The following CTSZ variants were observed in gnomAD, a reference collection of about 807,000 sequenced individuals.
CTSZ encodes the protein cathepsin Z.
In CTSZ, 39 loss-of-function variants were observed where a neutral mutation model predicts 32.4. The observed-to-expected ratio is 1.20, with a 90% CI of 0.93 to 1.57. The LOEUF (loss-of-function observed/expected upper bound fraction) is 1.57, where lower values mean the gene tolerates loss of function less well. Ranked by LOEUF, CTSZ falls within the 40% of genes most tolerant of loss-of-function variation. The pLI is 0.00. For missense variants in CTSZ, 397 were observed against 419.6 expected, an observed-to-expected ratio of 0.95 and a Z score of 0.47; for synonymous variants, 168 against 170.1, an observed-to-expected ratio of 0.99 and a Z score of 0.10.
rs758421304 is a variant in CTSZ at position 59,001,510 on chromosome 20, C to T, written c.442G>A (p.Gly148Ser). 7.4e-6 allele frequency: 12 copies of T among 1,613,892 alleles called. No homozygotes were observed. Among genetic ancestry groups the T allele is most frequent in the East Asian group, 4.5e-5 (2 of 44,896 alleles). The change falls in exon 3 of 6, where the codon GGC becomes AGC. Residue 148 changes from glycine (G) to serine (S), a missense_variant. Transcript: ENST00000217131. The part of the protein sequence containing the change: ...LSVWDYAHQH[G>S]IPDETCNNYQ... ...TTGTTGCAGGTCTCGTCAGGGATGC[C>T]GTGCTGGTGGGCGTAGTCCCACACG...
chr20:58,995,795 A>G, intron 5 of CTSZ, 36 bp from the exon 6 acceptor site: 1 of 1,586,848 alleles, frequency 6.3e-7, no homozygotes, highest in Non-Finnish European at 8.6e-7. Flanking sequence ...GCCCATCTGC[A>G]GCCGTCTCCC....
intron 3 of CTSZ, among the ~76,000 whole-genome samples, chr20:59,000,059 A>C (rs1469635987): frequency 1.8e-5 from 2 of 111,792 alleles, no homozygotes; most frequent in African/African-American, 3.4e-5. Context: ...AAAGAGCGAG[A>C]CTCCGTCTCA....
intron 2 of CTSZ, 69 bp downstream of exon 2, chr20:59,006,253 C>A: frequency 6.7e-7 from 1 of 1,493,650 alleles, no homozygotes; most frequent in South Asian, 1.3e-5. Flanking sequence ...GCGGGCTGAG[C>A]TGCCTGGGCC....
Position 59,002,037 on chromosome 20 carries a change from G to T in CTSZ, c.308-393C>A, listed in dbSNP as rs988783383. ...GGCCACACCCCAAAGCCAGCCAGGAGAGACCGTCCCTGCCCTCGTGGACAG... is the reference window on the plus strand; with the variant it reads ...GGCCACACCCCAAAGCCAGCCAGGATAGACCGTCCCTGCCCTCGTGGACAG... On this transcript the variant is annotated intron_variant, in intron 2 of 5. Transcript: ENST00000217131. This position sits in a 1 kb window ranked among gnomAD's most constrained non-coding sequence, Gnocchi z 4.1. Among the ~76,000 whole-genome samples the T allele has an allele frequency of 3.3e-5, 5 of 152,270 alleles. No individual in the cohort carries two copies. The highest frequency in any genetic ancestry group is 6.5e-5 in the Admixed American group (1 of 15,292).
rs146697212 is a variant in CTSZ at position 58,997,091 on chromosome 20, G to A, written c.639-290C>T. ...GCGGGAGGATAGCTTGAGCCCGGGC[G>A]GTCAAGGCTGCAGTGAGCGAAGATC... On this transcript the variant is annotated intron_variant, in intron 4 of 5. Coordinates refer to ENST00000217131, the MANE Select transcript of CTSZ (RefSeq NM_001336.4). Among the ~76,000 whole-genome samples the A allele has an allele frequency of 2.5e-3, 378 of 151,146 alleles. 3 individuals carry two copies. Among genetic ancestry groups the A allele is most frequent in the African/African-American group, 8.9e-3 (364 of 41,082 alleles).
chr20:59,002,880 A>G lies in CTSZ; in HGVS notation c.308-1236T>C, dbSNP rs163798. 0.63 allele frequency among the ~76,000 whole-genome samples: 96,179 copies of G among 151,692 alleles called. 30,777 individuals carry two copies. Among genetic ancestry groups the G allele is most frequent in the East Asian group, 0.71 (3,615 of 5,120 alleles). The stretch of plus-strand genomic sequence containing the variant: ...CCTTCTCCCCGCTCCCTTGTCAGCT[A>G]TGCCCCCTCTAAGCAGATCTGCACA... On this transcript the variant is annotated intron_variant, in intron 2 of 5. Transcript: ENST00000217131. This position sits in a 1 kb window ranked among gnomAD's most constrained non-coding sequence, Gnocchi z 4.1.
chr20:58,995,655 G>A lies in CTSZ; in HGVS notation c.906C>T (p.Ile302=), dbSNP rs762587538. 1.9e-6 allele frequency: 3 copies of A among 1,613,954 alleles called. No individual in the cohort carries two copies. The highest frequency in any genetic ancestry group is 1.3e-5 in the African/African-American group (1 of 75,026). ...IEEHCTFGDP[I]V The stretch of plus-strand genomic sequence containing the variant: ...CGCTTCTAGTGACATGGCCTTAAAC[G>A]ATGGGGTCCCCAAATGTACAGTGCT... The change falls in exon 6 of 6, where the codon ATC becomes ATT. Residue 302 remains isoleucine (I), a synonymous_variant. Transcript: ENST00000217131.
chr20:59,001,329 C>G, intron 3 of CTSZ, 136 bp downstream of exon 3: 1 of 1,041,808 alleles, frequency 9.6e-7, no homozygotes, highest in Non-Finnish European at 1.4e-6. Context: ...GGGCTGCAAC[C>G]TCTGCCCTCC....
intron 1 of CTSZ, 49 bp from the exon 2 acceptor site, chr20:59,006,534 C>T (rs1320344722): frequency 1.9e-6 from 3 of 1,562,994 alleles, no homozygotes; most frequent in Non-Finnish European, 2.6e-6. Context: ...CTCCCGGGGG[C>T]CGTGGGCCCA....
At chr20:59,001,050 A>G (rs2091886615) in intron 3 of CTSZ, among the ~76,000 whole-genome samples, 1 of 151,908 alleles carries the variant, frequency 6.6e-6, no homozygotes, top group Admixed American at 6.6e-5. Flanking sequence ...GCTGGTCTTG[A>G]ACTCCTGACC....
chr20:58,995,869 T>TG, intron 5 of CTSZ, 110 bp from the exon 6 acceptor site: 1 of 913,226 alleles, frequency 1.1e-6, no homozygotes, highest in Non-Finnish European at 1.7e-6. Context: ...AGGCCAGCCT[T>TG]GGGGGATCCA....
chr20:58,996,611 T>C (rs558603291), intron 5 of CTSZ, 28 bp downstream of exon 5: 3 of 1,611,260 alleles, frequency 1.9e-6, no homozygotes, highest in African/African-American at 2.7e-5. Context: ...TTTCTAGGAA[T>C]GACCTTAAGA....
rs1246406613 is a variant in CTSZ, at chr20:59,001,630, T to C, written c.322A>G (p.Lys108Glu). Residue 108 changes from lysine (K) to glutamate (E), a missense_variant, in exon 3 of 6, where the codon AAG (lysine) becomes GAG (glutamate). By Grantham distance (56) the Lys-to-Glu change is moderately conservative. Coordinates refer to ENST00000217131, the MANE Select transcript of CTSZ (RefSeq NM_001336.4). ...GTGGAGGGCCACGCTCCCTTCCTCT[T>C]GATGTTGATCCGATCTGCAACAGTC... ...TSAMADRINI[K>E]RKGAWPSTLL... 4 of 1,613,872 alleles carry C rather than the reference T, an allele frequency of 2.5e-6. No individual in the cohort carries two copies. The South Asian group carries it at 3.3e-5, about 13-fold the overall frequency.
rs1388857602 is a variant in CTSZ, at chr20:59,007,129, G to A, written c.-1C>T. 24 of 1,359,576 alleles carry A rather than the reference G, an allele frequency of 1.8e-5. No individual in the cohort carries two copies. The highest frequency in any genetic ancestry group is 2.1e-5 in the Non-Finnish European group (22 of 1,064,248). The allele number at this position is 1,359,576 out of a possible 1,614,324, so 84.2% of individuals were successfully genotyped here. Reference sequence around the variant, plus strand: ...GCCACCCTGGCCCGCGCCTCGCCATGGCCCCGCGCCGGCTCCTGGGTCCCG... The same window carrying A: ...GCCACCCTGGCCCGCGCCTCGCCATAGCCCCGCGCCGGCTCCTGGGTCCCG... On this transcript the variant is annotated 5_prime_UTR_variant, in exon 1 of 6. Coordinates refer to ENST00000217131, the MANE Select transcript of CTSZ (RefSeq NM_001336.4).
At chr20:58,997,559 T>TCCTCACCCGCGGGACCTTC (rs1555807423) in intron 4 of CTSZ, 44 bp downstream of exon 4, 29 of 1,501,442 alleles carry the variant, frequency 1.9e-5, no homozygotes, top group Admixed American at 1.5e-4. Context: ...GCGGGACCTT[T>TCCTCACCCGCGGGACCTTC]CCTCACCCGC....
Position 58,996,619 on chromosome 20 carries a change from A to G in CTSZ, c.801+20T>C, listed in dbSNP as rs570743873. 9 of 1,613,946 alleles carry G rather than the reference A, an allele frequency of 5.6e-6. No individual in the cohort carries two copies. In the South Asian group the frequency reaches 6.6e-5, roughly 12 times the overall value. The stretch of plus-strand genomic sequence containing the variant: ...ACGTTTTTTTCTAGGAATGACCTTA[A>G]GAAAATGAAAACATCTTACCCATGG... On this transcript the variant is annotated intron_variant, in intron 5 of 5. Coordinates refer to ENST00000217131, the MANE Select transcript of CTSZ (RefSeq NM_001336.4).
intron 3 of CTSZ, 120 bp from the exon 4 acceptor site, chr20:58,997,873 G>A (rs568182731): frequency 2.1e-5 from 18 of 869,120 alleles, no homozygotes; most frequent in African/African-American, 8.6e-5. Context: ...AGCTAAGAAC[G>A]GAAATCATCT....
At chr20:58,998,546 C>A (rs1227873738) in intron 3 of CTSZ, among the ~76,000 whole-genome samples, 28 of 129,132 alleles carry the variant, frequency 2.2e-4, no homozygotes, top group East Asian at 1.2e-3. Context: ...GACTCCGTCT[C>A]AAAAAAAAAG....
rs2091863367 is a variant in CTSZ at position 58,996,927 on chromosome 20, C to T, written c.639-126G>A. 5.9e-6 allele frequency: 6 copies of T among 1,013,776 alleles called. No individual in the cohort carries two copies. The East Asian group carries it at 1.3e-4, about 22-fold the overall frequency. The allele number at this position is 1,013,776 out of a possible 1,614,324, so 62.8% of individuals were successfully genotyped here. A position where few individuals can be genotyped will look rare whatever the true frequency, so the allele number is the denominator to read the frequency against. On this transcript the variant is annotated intron_variant, in intron 4 of 5. Transcript: ENST00000217131. ...ATTCCAGCACTTTGGGAGGCCGAGG[C>T]AGGTGGATCGCTTGAGTCCAGGAAT...
Sources: allele counts gnomAD v4.1 joint callset (sites outside exome capture counted in the v4.1 genomes callset), GRCh38; gene constraint gnomAD v4.1.1; non-coding constraint Gnocchi (gnomAD v3.1); transcripts MANE v1.5; gene names NCBI Gene and HGNC (gene_info 2026-07-23, HGNC 2026-07-21).